The following KAZN variants were observed in gnomAD, a reference collection of about 807,000 sequenced individuals.
The protein encoded by KAZN is kazrin.
Under a neutral mutation model 87.4 loss-of-function variants are expected in KAZN, and 40 were observed. The ratio of observed to expected loss-of-function variants is 0.46; its 90% confidence interval spans 0.36 to 0.60. The LOEUF (loss-of-function observed/expected upper bound fraction) is 0.60, where lower values mean the gene tolerates loss of function less well. Ranked by LOEUF, KAZN falls within the 20% of genes least tolerant of loss-of-function variation. The pLI is 0.00. For missense variants in KAZN, 898 were observed against 1,073.9 expected, an observed-to-expected ratio of 0.84 and a Z score of 2.29; for synonymous variants, 466 against 458.3, an observed-to-expected ratio of 1.02 and a Z score of -0.22.
At chr1:14,591,435 AC>A in intron 2 of KAZN, among the ~76,000 whole-genome samples, 1 of 151,978 alleles carries the variant, frequency 6.6e-6, no homozygotes, top group African/African-American at 2.4e-5. Context: ...ACACACACAC[AC>A]ACACACACAC....
In KAZN at chr1:15,047,327, T is replaced by TAAGGG. The variant is rs879908362; in HGVS notation, c.726+3168_726+3169insAAGGG. ...AGCTCCCCCACTGCACAGCTGACCC[T>TAAGGG]TCCTCGGGGGGTGCCTTAAGTCCTG... On this transcript the variant is annotated intron_variant, in intron 4 of 14. Coordinates refer to ENST00000376030, the MANE Select transcript of KAZN (RefSeq NM_201628.3). Among the ~76,000 whole-genome samples, 1,431 of 152,230 alleles carry TAAGGG rather than the reference T, an allele frequency of 9.4e-3. 12 individuals carry two copies. The highest frequency in any genetic ancestry group is 0.015 in the Non-Finnish European group (1,028 of 67,992).
intron 1 of KAZN, among the ~76,000 whole-genome samples, chr1:14,169,303 C>T (rs1645899417): frequency 6.6e-6 from 1 of 152,066 alleles, no homozygotes; most frequent in African/African-American, 2.4e-5. Context: ...TCTTCTCTCC[C>T]CTCCCCTCCC....
chr1:14,704,819 C>T (rs10803303), intron 1 of KAZN, among the ~76,000 whole-genome samples: 39,093 of 152,102 alleles, frequency 0.26, 6,288 homozygotes, highest in African/African-American at 0.44. Context: ...GGTCAAGTTA[C>T]CCATTGCCCT....
chr1:14,755,674 AG>A (rs1644542300), intron 1 of KAZN, among the ~76,000 whole-genome samples: 1 of 152,106 alleles, frequency 6.6e-6, no homozygotes, highest in Admixed American at 6.5e-5. Flanking sequence ...TTCAGTGTGG[AG>A]GGCAGCCCCT....
intron 1 of KAZN, among the ~76,000 whole-genome samples, chr1:14,699,020 A>T (rs1014179664): frequency 1.3e-5 from 2 of 152,156 alleles, no homozygotes; most frequent in Non-Finnish European, 2.9e-5. Context: ...GGGAAGCCTT[A>T]TCCACCTCTG....
At chr1:14,263,301 T>C (rs186576453) in intron 2 of KAZN, among the ~76,000 whole-genome samples, 82 of 152,334 alleles carry the variant, frequency 5.4e-4, no homozygotes, top group African/African-American at 1.9e-3. Context: ...TCAGTTCTTG[T>C]AACAACTCGA....
At chr1:14,664,156 G>A (rs1639362520) in intron 1 of KAZN, among the ~76,000 whole-genome samples, 2 of 152,216 alleles carry the variant, frequency 1.3e-5, no homozygotes, top group Non-Finnish European at 2.9e-5. Context: ...TGACTGGCCG[G>A]GCGTAGTGGC....
intron 1 of KAZN, among the ~76,000 whole-genome samples, chr1:14,604,141 GA>G (rs1273730140): frequency 2.0e-5 from 3 of 152,134 alleles, no homozygotes; most frequent in African/African-American, 4.8e-5. Context: ...GTTGCACGTG[GA>G]AATAGGTCTC....
At chr1:14,541,679 T>C (rs1420678363) in intron 2 of KAZN, among the ~76,000 whole-genome samples, 1 of 152,252 alleles carries the variant, frequency 6.6e-6, no homozygotes, top group Non-Finnish European at 1.5e-5. Context: ...GCTTCGTTGC[T>C]ATCTGAGGCT....
intron 2 of KAZN, among the ~76,000 whole-genome samples, chr1:14,543,173 T>A (rs1200978597): frequency 6.6e-6 from 1 of 152,202 alleles, no homozygotes; most frequent in Non-Finnish European, 1.5e-5. Flanking sequence ...ACTTTAAAAA[T>A]GCTTTATCAC....
At chr1:15,092,997 A>G (rs1250692745) in intron 8 of KAZN, among the ~76,000 whole-genome samples, 1 of 151,398 alleles carries the variant, frequency 6.6e-6, no homozygotes, top group Non-Finnish European at 1.5e-5. Context: ...GCTGGGTTCC[A>G]TTTATCCTAC....
chr1:14,986,536 G>A (rs113213757), intron 2 of KAZN, among the ~76,000 whole-genome samples: 7 of 152,222 alleles, frequency 4.6e-5, no homozygotes, highest in East Asian at 1.9e-4. Context: ...AAGCAGTTCC[G>A]CAGTCCTGCT....
chr1:13,970,041 T>C (rs532329487), intron 1 of KAZN, among the ~76,000 whole-genome samples: 11 of 152,226 alleles, frequency 7.2e-5, no homozygotes, highest in Non-Finnish European at 1.5e-4. Context: ...GATGCCCAAA[T>C]TCATGCTATT....
chr1:14,995,724 C>G (rs986386154), intron 2 of KAZN, among the ~76,000 whole-genome samples: 1 of 152,076 alleles, frequency 6.6e-6, no homozygotes, highest in Non-Finnish European at 1.5e-5. Flanking sequence ...TCAACTTGCT[C>G]TTCTCTGGAC....
At chr1:15,076,643 A>G (rs143235332) in intron 8 of KAZN, among the ~76,000 whole-genome samples, 54 of 152,328 alleles carry the variant, frequency 3.5e-4, no homozygotes, top group African/African-American at 1.3e-3. Flanking sequence ...TCTGCACACA[A>G]TTGATTGGCT....
chr1:14,145,794 T>C (rs1044041510), intron 1 of KAZN, among the ~76,000 whole-genome samples: 4 of 152,182 alleles, frequency 2.6e-5, no homozygotes, highest in Admixed American at 6.5e-5. Context: ...TTGGCTAGGC[T>C]GGTCTTGACC....
At chr1:14,997,201 TTTCATTTATTTA>T (rs199737775) in intron 2 of KAZN, among the ~76,000 whole-genome samples, 4,015 of 137,366 alleles carry the variant, frequency 0.029, 92 homozygotes, top group East Asian at 0.093. Context: ...TCTTTCTTTC[TTTCATTTATTTA>T]TTTATTTATT....
At chr1:14,742,000 C>T (rs1022120577) in intron 1 of KAZN, among the ~76,000 whole-genome samples, 10 of 151,970 alleles carry the variant, frequency 6.6e-5, no homozygotes, top group Non-Finnish European at 1.5e-4. Context: ...AAGCCACATT[C>T]ACCTTCTTGA....
chr1:14,013,098 C>A (rs548040098), intron 1 of KAZN, among the ~76,000 whole-genome samples: 121 of 152,250 alleles, frequency 7.9e-4, no homozygotes, highest in African/African-American at 2.6e-3. Flanking sequence ...CATCTGTGCA[C>A]CCCTGAGTCC....
Sources: gnomAD v4.1 joint callset for allele counts (sites outside exome capture counted in the v4.1 genomes callset) on GRCh38, gnomAD v4.1.1 for gene constraint, MANE v1.5 for transcripts, NCBI Gene and HGNC (gene_info 2026-07-23, HGNC 2026-07-21) for gene names.